Variants in HCRTR1 observed in about 807,000 individuals in gnomAD.
The protein encoded by HCRTR1 is orexin/Hypocretin receptor type 1.
A neutral mutation model predicts 40.6 loss-of-function variants in HCRTR1; 28 were observed. The observed-to-expected ratio is 0.69, with a 90% CI of 0.51 to 0.95. HCRTR1 has a LOEUF of 0.95. Among genes scored for constraint, HCRTR1 ranks in the 40% least tolerant of loss-of-function variants. The pLI is 0.00. For missense variants in HCRTR1, 482 were observed against 564.7 expected, an observed-to-expected ratio of 0.85 and a Z score of 1.48; for synonymous variants, 209 against 230.0, an observed-to-expected ratio of 0.91 and a Z score of 0.83.
At chr1:31,622,651 G>A (rs1266074018) in intron 6 of HCRTR1, among the ~76,000 whole-genome samples, 3 of 152,232 alleles carry the variant, frequency 2.0e-5, no homozygotes, top group Non-Finnish European at 4.4e-5. Context: ...CTAGACCCGC[G>A]TTTCCAGAAC....
intron 3 of HCRTR1, 41 bp downstream of exon 3, chr1:31,619,432 T>C (rs370775833): frequency 6.2e-7 from 1 of 1,612,986 alleles, no homozygotes; most frequent in African/African-American, 1.3e-5. Flanking sequence ...CGGCTTTCCC[T>C]GGGGATTGAA....
downstream of HCRTR1, chr1:31,633,246 C>T (rs770119323): frequency 1.3e-5 from 21 of 1,613,908 alleles, no homozygotes; most frequent in South Asian, 2.3e-4. Flanking sequence ...GAGATATAGC[C>T]ACTGTGATCT....
chr1:31,632,350 A>G (rs745840937), downstream of HCRTR1: 10 of 1,372,666 alleles, frequency 7.3e-6, no homozygotes, highest in Non-Finnish European at 9.3e-6. Flanking sequence ...AGAAGGGGTG[A>G]GGGATGCAGG....
At position 31,617,769 on chromosome 1, in the gene HCRTR1, C is replaced by G. The variant is rs1446149811; in HGVS notation, c.-316C>G. 6.6e-6 allele frequency: 1 copy of G among 152,130 alleles called. No individual in the cohort carries two copies. The highest frequency in any genetic ancestry group is 1.9e-4 in the East Asian group (1 of 5,154). 9.4% of individuals were successfully genotyped at this position (152,130 alleles called of 1,614,324 possible). The stretch of plus-strand genomic sequence containing the variant: ...GCCTAGGGAGGGGGCTGCCCCGGCC[C>G]CCTCCTGCAGTCCCGGCCCCTAGAG... On this transcript the variant is annotated 5_prime_UTR_variant, in exon 1 of 9. Coordinates refer to ENST00000403528, the MANE Select transcript of HCRTR1 (RefSeq NM_001525.3).
Position 31,620,878 on chromosome 1 carries a change from C to G in HCRTR1, c.414C>G (p.Ser138Arg). The change falls in exon 5 of 9, where the codon AGC (serine) becomes AGG (arginine). Residue 138 changes from serine (S) to arginine (R), a missense_variant. Transcript: ENST00000403528. ...TGTCAGTGGCAGTGCTAACTCTCAG[C>G]TTCATCGCCCTGGACCGCTGGTATG... ...VSVSVAVLTL[S>R]FIALDRWYAI... 1 of 1,614,150 alleles carries G rather than the reference C, an allele frequency of 6.2e-7. No individual in the cohort carries two copies. The highest frequency in any genetic ancestry group is 1.1e-5 in the South Asian group (1 of 91,088).
Position 31,623,612 on chromosome 1 carries a change from C to G in HCRTR1, c.828C>G (p.Pro276=), listed in dbSNP as rs1639909001. 1 of 1,613,724 alleles carries G rather than the reference C, an allele frequency of 6.2e-7. No individual in the cohort carries two copies. Among genetic ancestry groups the G allele is most frequent in the African/African-American group, 1.3e-5 (1 of 75,028 alleles). Residue 276 remains proline (P), a synonymous_variant, in exon 7 of 9, where the codon CCC becomes CCG. Coordinates refer to ENST00000403528, the MANE Select transcript of HCRTR1 (RefSeq NM_001525.3). ...GDLEQGLSGE[P]QPRARAFLAE... is the part of the protein sequence containing the mutation. ...TGGAGCAGGGCCTGAGTGGAGAGCC[C>G]CAGCCCCGGGCCCGCGCCTTCCTGG... is the stretch of plus-strand genomic sequence containing the variant.
At chr1:31,623,378 A>G (rs1639901720) in intron 6 of HCRTR1, 145 bp from the exon 7 acceptor site, 1 of 611,750 alleles carries the variant, frequency 1.6e-6, no homozygotes, top group African/African-American at 1.9e-5. Flanking sequence ...TATCATAAAC[A>G]TTAGATTCCT....
chr1:31,623,307 AAAAAAG>A (rs1236117681), intron 6 of HCRTR1, among the ~76,000 whole-genome samples: 49 of 152,090 alleles, frequency 3.2e-4, no homozygotes, highest in African/African-American at 7.5e-4. Context: ...AAAAAAAAAA[AAAAAAG>A]AAAAGAAAAG....
downstream of HCRTR1, chr1:31,633,314 C>A (rs779582221): frequency 3.9e-5 from 62 of 1,610,174 alleles, no homozygotes; most frequent in Non-Finnish European, 5.0e-5. Flanking sequence ...AGGGGCGCCA[C>A]CTGGAGGAAG....
chr1:31,629,241 A>G (rs1480439916), downstream of HCRTR1, among the ~76,000 whole-genome samples: 1 of 152,214 alleles, frequency 6.6e-6, no homozygotes, highest in Non-Finnish European at 1.5e-5. Flanking sequence ...CTGACCTGCA[A>G]AACAGTCATA....
chr1:31,624,448 CAAAAAAAAAAA>C (rs11438872), intron 7 of HCRTR1, among the ~76,000 whole-genome samples: 228 of 110,918 alleles, frequency 2.1e-3, no homozygotes, highest in Non-Finnish European at 1.9e-3. Flanking sequence ...ACAGCTGTCT[CAAAAAAAAAAA>C]AAAAAAAAAA....
At chr1:31,634,261 G>A (rs1489388439), downstream of HCRTR1, among the ~76,000 whole-genome samples, 2 of 152,246 alleles carry the variant, frequency 1.3e-5, no homozygotes, top group African/African-American at 4.8e-5. Context: ...GAGAGATTCT[G>A]TGACATGTTT....
rs573878141 is a variant in HCRTR1, at chr1:31,625,480, T to C, written c.1087+362T>C. Among the ~76,000 whole-genome samples the C allele has an allele frequency of 1.3e-5, 2 of 152,300 alleles. No homozygotes were observed. The highest frequency in any genetic ancestry group is 2.1e-4 in the South Asian group (1 of 4,824). On this transcript the variant is annotated intron_variant, in intron 8 of 8. Coordinates refer to ENST00000403528, the MANE Select transcript of HCRTR1 (RefSeq NM_001525.3). This position sits in a 1 kb window ranked among gnomAD's most constrained non-coding sequence, Gnocchi z 4.2. ...CATCCTCCCCGGAGGGAGTCAGACCTGTGGGAGGAGGGCCCTGGAGCCCCT... is the reference window on the plus strand; with the variant it reads ...CATCCTCCCCGGAGGGAGTCAGACCCGTGGGAGGAGGGCCCTGGAGCCCCT...
intron 6 of HCRTR1, among the ~76,000 whole-genome samples, chr1:31,622,416 C>T (rs1317334412): frequency 1.3e-5 from 2 of 152,022 alleles, no homozygotes; most frequent in Non-Finnish European, 2.9e-5. Context: ...GGGACACGGA[C>T]TGGCTGTGAC....
At chr1:31,623,103 C>T (rs948453428) in intron 6 of HCRTR1, among the ~76,000 whole-genome samples, 16 of 151,884 alleles carry the variant, frequency 1.1e-4, no homozygotes, top group East Asian at 3.9e-4. Flanking sequence ...CTGAGGCAGG[C>T]GGATCACCTA....
downstream of HCRTR1, among the ~76,000 whole-genome samples, chr1:31,634,336 T>C (rs181225241): frequency 8.5e-5 from 13 of 152,382 alleles, no homozygotes; most frequent in Admixed American, 5.2e-4. Context: ...ATTCAAACCC[T>C]GGATCTGATC....
intron 4 of HCRTR1, 136 bp from the exon 5 acceptor site, chr1:31,620,707 C>A: frequency 8.9e-7 from 1 of 1,129,878 alleles, no homozygotes; most frequent in Non-Finnish European, 1.3e-6. Context: ...GAGTGACTTG[C>A]CCACATTTAC....
chr1:31,630,641 A>G (rs1182964415), downstream of HCRTR1: 1 of 1,612,618 alleles, frequency 6.2e-7, no homozygotes, highest in Non-Finnish European at 8.5e-7. Flanking sequence ...TGTCATGGTG[A>G]CGAAGTCCTC....
chr1:31,625,622 C>T lies in HCRTR1; in HGVS notation c.1087+504C>T, dbSNP rs545001964. The stretch of plus-strand genomic sequence containing the variant: ...CAGCTAGACACACTGGCAGAGTGAC[C>T]GGAATCTCAGGGGTTGTCCCCTCTG... On this transcript the variant is annotated intron_variant, in intron 8 of 8. Transcript: ENST00000403528. This position sits in a 1 kb window ranked among gnomAD's most constrained non-coding sequence, Gnocchi z 4.2. Among the ~76,000 whole-genome samples the T allele has an allele frequency of 3.3e-5, 5 of 152,292 alleles. No individual in the cohort carries two copies. Among genetic ancestry groups the T allele is most frequent in the South Asian group, 4.1e-4 (2 of 4,830 alleles).
Sources: allele counts gnomAD v4.1 joint callset (sites outside exome capture counted in the v4.1 genomes callset), GRCh38; gene constraint gnomAD v4.1.1; non-coding constraint Gnocchi (gnomAD v3.1); transcripts MANE v1.5; gene names NCBI Gene and HGNC (gene_info 2026-07-23, HGNC 2026-07-21).